PLA1A: variants seen among roughly 807,000 people sequenced by gnomAD.
The protein encoded by PLA1A is phospholipase A1 member A, also known as phosphatidylserine-specific phospholipase A1alpha.
PLA1A carries 47 observed loss-of-function variants against 49.4 expected under a neutral mutation model. That is an observed-to-expected ratio of 0.95 (90% CI 0.75 to 1.21). The LOEUF (loss-of-function observed/expected upper bound fraction) is 1.21. Among genes scored for constraint, PLA1A ranks in the 50% most tolerant of loss-of-function variants. The pLI is 0.00. For synonymous variants in PLA1A, 224 were observed against 207.9 expected (o/e 1.08, Z -0.67); for missense variants, 561 against 563.9 (o/e 0.99, Z 0.05).
At chr3:119,600,517 C>A in intron 1 of PLA1A, 3 of 664,092 alleles carry the variant, frequency 4.5e-6, no homozygotes, top group South Asian at 1.7e-5. Flanking sequence ...AGACTTTGAG[C>A]TCCCAAAGGG....
intron 8 of PLA1A, among the ~76,000 whole-genome samples, chr3:119,622,360 C>T (rs1359011830): frequency 6.6e-6 from 1 of 152,176 alleles, no homozygotes; most frequent in African/African-American, 2.4e-5. Flanking sequence ...CAAATATCAT[C>T]CTTTCCAGTT....
intron 8 of PLA1A, among the ~76,000 whole-genome samples, chr3:119,623,725 T>C (rs1478805568): frequency 5.5e-5 from 8 of 144,730 alleles, no homozygotes; most frequent in Non-Finnish European, 7.6e-5. Context: ...TTCTTTTTTT[T>C]TTTTTTTTTT....
Position 119,628,896 on chromosome 3 carries a change from T to A in PLA1A, c.1286+31T>A, listed in dbSNP as rs769820605. On this transcript the variant is annotated intron_variant, in intron 10 of 10. Transcript: ENST00000273371. ...CCCCAGTATTCACCTCTGCACCAGA[T>A]GCACTCACACATCAAAGACCAGTCT... 9 of 1,582,062 alleles carry A rather than the reference T, an allele frequency of 5.7e-6. No homozygotes were observed. The African/African-American group carries it at 1.2e-4, about 21-fold the overall frequency.
At position 119,628,760 on chromosome 3, in the gene PLA1A, T is replaced by C. The variant is rs760853707; in HGVS notation, c.1181T>C (p.Ile394Thr). The C allele has an allele frequency of 5.6e-6, 9 of 1,614,120 alleles. No homozygotes were observed. The South Asian group carries it at 6.6e-5, about 12-fold the overall frequency. The change falls in exon 10 of 11, where the codon ATA (isoleucine) becomes ACA (threonine). Residue 394 changes from isoleucine to threonine, a missense_variant. Physicochemically the swap from Ile to Thr is moderately conservative, Grantham distance 89. Transcript: ENST00000273371. ...GCCCATGCCACCCCACAATGCCAGA[T>C]AAACCAAGTGAAATTCAAGTTTCAG... is the stretch of plus-strand genomic sequence containing the variant. ...IIAHATPQCQ[I>T]NQVKFKFQSS...
At chr3:119,621,841 A>T (rs1443135187) in intron 8 of PLA1A, among the ~76,000 whole-genome samples, 1 of 152,154 alleles carries the variant, frequency 6.6e-6, no homozygotes, top group Admixed American at 6.5e-5. Context: ...ACGACATGAG[A>T]CATGTTCCTG....
At chr3:119,622,168 G>C (rs2082947968) in intron 8 of PLA1A, among the ~76,000 whole-genome samples, 1 of 93,632 alleles carries the variant, frequency 1.1e-5, no homozygotes, top group Admixed American at 1.0e-4. Context: ...AGAAGAAGAA[G>C]AAGAAGAAGA....
At chr3:119,619,725 CTGGG>C (rs1323484074) in intron 8 of PLA1A, 73 bp downstream of exon 8, 1 of 1,045,566 alleles carries the variant, frequency 9.6e-7, no homozygotes, top group Non-Finnish European at 1.5e-6. Context: ...GTGTGGTAGC[CTGGG>C]TGGGAGTGAA....
intron 4 of PLA1A, among the ~76,000 whole-genome samples, chr3:119,612,639 C>T (rs1249438225): frequency 6.6e-6 from 1 of 152,190 alleles, no homozygotes; most frequent in Non-Finnish European, 1.5e-5. Context: ...CAGGCGCCCG[C>T]CACTACGCCC....
At chr3:119,599,802 T>G (rs898401143) in intron 1 of PLA1A, among the ~76,000 whole-genome samples, 1 of 152,214 alleles carries the variant, frequency 6.6e-6, no homozygotes, top group Non-Finnish European at 1.5e-5. Flanking sequence ...ACTTACCCAG[T>G]GAGGCATTCT....
At chr3:119,608,242 GAGAAAGAAA>G (rs2082717319) in intron 2 of PLA1A, among the ~76,000 whole-genome samples, 1 of 123,730 alleles carries the variant, frequency 8.1e-6, no homozygotes, top group African/African-American at 3.1e-5. Context: ...GAAAGAAAGA[GAGAAAGAAA>G]GAAAGAAAGA....
intron 9 of PLA1A, among the ~76,000 whole-genome samples, chr3:119,627,632 C>T (rs933502389): frequency 8.4e-5 from 11 of 131,040 alleles, no homozygotes; most frequent in Non-Finnish European, 1.2e-4. Flanking sequence ...CACACCACCC[C>T]TGCCCCCGCC....
chr3:119,609,368 G>T (rs1163545421), intron 3 of PLA1A, 100 bp from the exon 4 acceptor site: 8 of 803,832 alleles, frequency 1.0e-5, no homozygotes, highest in Non-Finnish European at 1.8e-5. Context: ...GGTGTGTCAT[G>T]CCCAGGGCCT....
intron 1 of PLA1A, among the ~76,000 whole-genome samples, chr3:119,601,271 T>C (rs1279943298): frequency 6.6e-6 from 1 of 151,966 alleles, no homozygotes; most frequent in Non-Finnish European, 1.5e-5. Context: ...GAGTGCAGAG[T>C]AGCACATTTC....
chr3:119,624,151 G>C (rs2082984639), intron 8 of PLA1A, among the ~76,000 whole-genome samples: 2 of 152,194 alleles, frequency 1.3e-5, no homozygotes, highest in South Asian at 4.1e-4. Flanking sequence ...GGAAGTCCCA[G>C]ATCAAGGCGC....
chr3:119,614,268 C>T (rs185441279), intron 5 of PLA1A, among the ~76,000 whole-genome samples: 2 of 152,278 alleles, frequency 1.3e-5, no homozygotes, highest in East Asian at 3.9e-4. Context: ...GCCCACAGGC[C>T]TCTTCCTAGC....
intron 6 of PLA1A, among the ~76,000 whole-genome samples, chr3:119,617,808 T>A (rs1264870401): frequency 6.6e-6 from 1 of 152,094 alleles, no homozygotes; most frequent in South Asian, 2.1e-4. Context: ...ATTTTCTTGA[T>A]GGATTATGCT....
intron 1 of PLA1A, among the ~76,000 whole-genome samples, chr3:119,600,743 C>T (rs536603327): frequency 9.8e-5 from 15 of 152,346 alleles, no homozygotes; most frequent in African/African-American, 3.6e-4. Flanking sequence ...CAGAGGGTGG[C>T]CCATTTCAGA....
At position 119,616,111 on chromosome 3, in the gene PLA1A, C is replaced by T. The variant is rs780940220; in HGVS notation, c.754+10C>T. Reference sequence around the variant, plus strand: ...ACCTTCTTTTACGCAGGTCAGAAAGCCAGTACAATCTGGTATTTGGCAACC... The same window carrying T: ...ACCTTCTTTTACGCAGGTCAGAAAGTCAGTACAATCTGGTATTTGGCAACC... On this transcript the variant is annotated intron_variant, in intron 6 of 10. Coordinates refer to ENST00000273371, the MANE Select transcript of PLA1A (RefSeq NM_015900.4). The T allele has an allele frequency of 1.4e-5, 22 of 1,584,384 alleles. No homozygotes were observed. The highest frequency in any genetic ancestry group is 4.3e-6 in the Non-Finnish European group (5 of 1,153,150).
intron 9 of PLA1A, among the ~76,000 whole-genome samples, chr3:119,626,938 C>T (rs986017639): frequency 3.9e-5 from 6 of 152,194 alleles, no homozygotes. Flanking sequence ...TCATCATCTT[C>T]TAGCCCATTG....
Sources: gnomAD v4.1 joint callset for allele counts (sites outside exome capture counted in the v4.1 genomes callset) on GRCh38, gnomAD v4.1.1 for gene constraint, MANE v1.5 for transcripts, NCBI Gene and HGNC (gene_info 2026-07-23, HGNC 2026-07-21) for gene names.